The following UNC13C variants were observed in gnomAD, a reference collection of about 807,000 sequenced individuals.
UNC13C encodes unc-13 homolog C.
In UNC13C, 174 loss-of-function variants were observed where a neutral mutation model predicts 245.4. The observed-to-expected ratio is 0.71, with a 90% CI of 0.63 to 0.80. The LOEUF (loss-of-function observed/expected upper bound fraction) is 0.80. UNC13C is among the 30% of genes least tolerant of loss of function. The pLI is 0.00. For synonymous variants in UNC13C, 992 were observed against 895.1 expected (o/e 1.11, Z -1.93); for missense variants, 2,829 against 2,602.9 (o/e 1.09, Z -1.89).
intron 1 of UNC13C, among the ~76,000 whole-genome samples, chr15:53,980,988 A>G (rs969098757): frequency 1.3e-5 from 2 of 152,170 alleles, no homozygotes; most frequent in East Asian, 3.9e-4. Context: ...TTAAAGACAA[A>G]ACACACCAAA....
chr15:54,120,107 A>C (rs2141192457), intron 2 of UNC13C, among the ~76,000 whole-genome samples: 1 of 152,328 alleles, frequency 6.6e-6, no homozygotes, highest in East Asian at 1.9e-4. Flanking sequence ...TACACTAAAC[A>C]ACAGATTTTC....
Position 54,151,293 on chromosome 15 carries a change from A to AT in UNC13C, c.3071+7615dup, listed in dbSNP as rs1567051798. On this transcript the variant is annotated intron_variant, in intron 4 of 32. Coordinates refer to ENST00000260323, the MANE Select transcript of UNC13C (RefSeq NM_001080534.3). ...TAAAAAAGTTATTCCCCCAAATCAC[A>AT]TTTTTTACTTCCATTATTTAATAGT... Among the ~76,000 whole-genome samples the AT allele has an allele frequency of 3.9e-5, 6 of 152,222 alleles. 1 individual carries two copies. The highest frequency in any genetic ancestry group is 1.4e-4 in the African/African-American group (6 of 41,546).
intron 14 of UNC13C, among the ~76,000 whole-genome samples, chr15:54,323,537 G>A (rs2038220970): frequency 1.3e-5 from 2 of 152,012 alleles, no homozygotes; most frequent in South Asian, 4.1e-4. Context: ...TGGCAAGCCA[G>A]TTGATAAAAG....
chr15:54,367,324 A>G (rs1353653358), intron 17 of UNC13C, among the ~76,000 whole-genome samples: 1 of 152,168 alleles, frequency 6.6e-6, no homozygotes, highest in Non-Finnish European at 1.5e-5. Context: ...AATCCTACCT[A>G]TTCATAAAGG....
chr15:54,409,063 A>G (rs533777649), intron 18 of UNC13C, among the ~76,000 whole-genome samples: 1 of 152,286 alleles, frequency 6.6e-6, no homozygotes, highest in East Asian at 1.9e-4. Flanking sequence ...GAGTCATTAG[A>G]TAACTATGAG....
At chr15:54,575,769 G>A (rs957349547) in intron 30 of UNC13C, among the ~76,000 whole-genome samples, 2 of 152,198 alleles carry the variant, frequency 1.3e-5, no homozygotes, top group Admixed American at 6.5e-5. Flanking sequence ...ATCCTATCCA[G>A]CAGGTCTATG....
chr15:54,532,690 C>G (rs897294053), intron 25 of UNC13C, among the ~76,000 whole-genome samples: 1 of 152,142 alleles, frequency 6.6e-6, no homozygotes, highest in Non-Finnish European at 1.5e-5. Flanking sequence ...AACCTCCACT[C>G]AAATTAATTC....
At chr15:53,849,079 T>A in the UNC13C span, among the ~76,000 whole-genome samples, 1 of 151,694 alleles carries the variant, frequency 6.6e-6, no homozygotes, top group African/African-American at 2.4e-5. Context: ...ATATTTAAAG[T>A]GAATTTATAT....
intron 29 of UNC13C, among the ~76,000 whole-genome samples, chr15:54,560,986 C>T (rs1897277752): frequency 6.6e-6 from 1 of 152,006 alleles, no homozygotes; most frequent in African/African-American, 2.4e-5. Context: ...CCCAAGACCC[C>T]ACATACTCTA....
chr15:54,190,689 T>G (rs1455208823), intron 4 of UNC13C, among the ~76,000 whole-genome samples: 2 of 152,102 alleles, frequency 1.3e-5, no homozygotes, highest in African/African-American at 4.8e-5. Flanking sequence ...CTAAATATAC[T>G]GCAAAAATTA....
the UNC13C span, among the ~76,000 whole-genome samples, chr15:53,945,208 T>A: frequency 6.6e-6 from 1 of 152,162 alleles, no homozygotes; most frequent in Non-Finnish European, 1.5e-5. Flanking sequence ...GTTTACTCTG[T>A]TGATATTTTC....
At chr15:54,421,265 T>C (rs896034556) in intron 19 of UNC13C, among the ~76,000 whole-genome samples, 7 of 151,996 alleles carry the variant, frequency 4.6e-5, no homozygotes, top group African/African-American at 1.7e-4. Context: ...ATAACATTAA[T>C]TACATTTTGG....
Position 54,413,906 on chromosome 15 carries a change from T to C in UNC13C, c.4848-1076T>C, listed in dbSNP as rs749855178. Among the ~76,000 whole-genome samples the C allele has an allele frequency of 4.6e-5, 7 of 152,296 alleles. No homozygotes were observed. In the South Asian group the frequency reaches 6.2e-4, roughly 14 times the overall value. ...ATTCATGTGTGCAAGTCTGTATATA[T>C]ATAGAGAGAAAATACTTCTAGTCTT... On this transcript the variant is annotated intron_variant, in intron 18 of 32. Coordinates refer to ENST00000260323, the MANE Select transcript of UNC13C (RefSeq NM_001080534.3).
In UNC13C at chr15:54,014,629, A is replaced by T. The variant is rs746538373; in HGVS notation, c.1726A>T (p.Ser576Cys). The T allele has an allele frequency of 4.3e-6, 7 of 1,613,746 alleles. No individual in the cohort carries two copies. In the South Asian group the frequency reaches 6.6e-5, roughly 15 times the overall value. ...TCAGTTTTTCACTAGAACTAATGGA[A>T]GCTCTCTCCTGTCATCTTCGGACCG... ...ENQFFTRTNGSSLLSSSDREL... is the reference protein window; with the variant it reads ...ENQFFTRTNGCSLLSSSDREL... Residue 576 changes from serine (S) to cysteine (C), a missense_variant, in exon 2 of 33, where the codon AGC (serine) becomes TGC (cysteine). Physicochemically the swap from Ser to Cys is moderately radical, Grantham distance 112. Coordinates refer to ENST00000260323, the MANE Select transcript of UNC13C (RefSeq NM_001080534.3).
At chr15:54,031,649 A>T (rs1416191719) in intron 2 of UNC13C, among the ~76,000 whole-genome samples, 3 of 152,190 alleles carry the variant, frequency 2.0e-5, no homozygotes, top group Admixed American at 6.5e-5. Context: ...AAGATGCACA[A>T]GTGTATGTGT....
chr15:54,373,268 G>T (rs888549167), intron 17 of UNC13C, among the ~76,000 whole-genome samples: 1 of 152,174 alleles, frequency 6.6e-6, no homozygotes. Context: ...TGGGAGTGTT[G>T]CTTCATTAGC....
intron 10 of UNC13C, among the ~76,000 whole-genome samples, chr15:54,282,590 G>A (rs2037027641): frequency 6.6e-6 from 1 of 152,150 alleles, no homozygotes; most frequent in Non-Finnish European, 1.5e-5. Context: ...TGTTGTCCAT[G>A]GATGGTGGTG....
At chr15:54,159,608 A>C (rs11071052) in intron 4 of UNC13C, among the ~76,000 whole-genome samples, 141,914 of 152,240 alleles carry the variant, frequency 0.93, 66,898 homozygotes, top group Non-Finnish European at 1. Flanking sequence ...AATAATCTAG[A>C]GTTTAAGGGC....
intron 2 of UNC13C, among the ~76,000 whole-genome samples, chr15:54,046,669 G>T (rs1031800630): frequency 1.5e-4 from 22 of 150,156 alleles, no homozygotes; most frequent in Non-Finnish European, 3.0e-4. Flanking sequence ...TTTTTATTGT[G>T]GTAAAATATA....
Sources: allele counts gnomAD v4.1 joint callset (sites outside exome capture counted in the v4.1 genomes callset), GRCh38; gene constraint gnomAD v4.1.1; transcripts MANE v1.5; gene names NCBI Gene and HGNC (gene_info 2026-07-23, HGNC 2026-07-21).